PEAK1: variants seen among roughly 807,000 people sequenced by gnomAD.
PEAK1 encodes inactive tyrosine-protein kinase PEAK1.
Under a neutral mutation model 124.7 loss-of-function variants are expected in PEAK1, and 54 were observed. The observed-to-expected ratio is 0.43, with a 90% confidence interval of 0.35 to 0.54. PEAK1 has a LOEUF of 0.54. Ranked by LOEUF, PEAK1 falls within the 20% of genes least tolerant of loss-of-function variation. PEAK1 has a pLI of 0.01. For synonymous variants in PEAK1, 719 were observed against 760.0 expected (o/e 0.95, Z 0.89); for missense variants, 2,046 against 2,134.5 (o/e 0.96, Z 0.82).
chr15:77,161,242 A>T (rs1026565670), intron 7 of PEAK1, among the ~76,000 whole-genome samples: 1 of 152,218 alleles, frequency 6.6e-6, no homozygotes, highest in Non-Finnish European at 1.5e-5. Context: ...GCTACAAGTT[A>T]GGCAAACCAT....
Position 77,307,550 on chromosome 15 carries a change from T to A in PEAK1, c.-602-21046A>T, listed in dbSNP as rs78977714. 4.3e-3 allele frequency among the ~76,000 whole-genome samples: 652 copies of A among 152,198 alleles called. 1 individual carries two copies. Among genetic ancestry groups the A allele is most frequent in the African/African-American group, 0.013 (557 of 41,556 alleles). On this transcript the variant is annotated intron_variant, in intron 2 of 9. Coordinates refer to ENST00000682557, the MANE Select transcript of PEAK1 (RefSeq NM_001385026.1). ...ACCAGCTTTTGCCTTCTCTTAACAA[T>A]CAGTTTATTTATAAAAACCACTCCT...
At chr15:77,182,768 A>G (rs1596506808) in intron 6 of PEAK1, among the ~76,000 whole-genome samples, 1 of 150,312 alleles carries the variant, frequency 6.7e-6, no homozygotes, top group East Asian at 1.9e-4. Flanking sequence ...AAAAAAAAAA[A>G]AGGCTGAAAA....
chr15:77,260,650 C>T (rs1056880988), intron 5 of PEAK1, among the ~76,000 whole-genome samples: 1 of 152,040 alleles, frequency 6.6e-6, no homozygotes, highest in African/African-American at 2.4e-5. Flanking sequence ...GTAGTTCATA[C>T]ACAGAAGAAA....
chr15:77,164,585 G>A (rs1288409235), intron 7 of PEAK1, among the ~76,000 whole-genome samples: 1 of 152,172 alleles, frequency 6.6e-6, no homozygotes, highest in Non-Finnish European at 1.5e-5. Context: ...GTAAATCACT[G>A]TCACTTTCAC....
chr15:77,336,204 A>C (rs2066187820), intron 2 of PEAK1: 1 of 985,434 alleles, frequency 1.0e-6, no homozygotes, highest in South Asian at 4.7e-5. Flanking sequence ...AGGGGCAGAG[A>C]ATCAGCCTCA....
intron 5 of PEAK1, among the ~76,000 whole-genome samples, chr15:77,252,972 T>C (rs989353585): frequency 2.6e-5 from 4 of 152,346 alleles, no homozygotes; most frequent in African/African-American, 9.6e-5. Context: ...CTAGCCACTT[T>C]GCAGTTTTAG....
chr15:77,401,492 ATTT>A (rs923159368), intron 1 of PEAK1: 2 of 959,962 alleles, frequency 2.1e-6, no homozygotes, highest in Non-Finnish European at 2.5e-6. Context: ...TCATAATACA[ATTT>A]TTAAGAGTAT....
In PEAK1 at chr15:77,347,799, T is replaced by C. The variant is rs900826424; in HGVS notation, c.-603+17364A>G. The C allele has an allele frequency of 1.9e-5, 19 of 985,010 alleles. No homozygotes were observed. In the African/African-American group the frequency reaches 3.1e-4, roughly 16 times the overall value. 61.0% of individuals were successfully genotyped at this position (985,010 alleles called of 1,614,324 possible). The stretch of plus-strand genomic sequence containing the variant: ...TTTAGTGAGTGTATAGATCATCTGT[T>C]TTCCTTCTATAGCAAGCACAAAACA... On this transcript the variant is annotated intron_variant, in intron 2 of 9. Transcript: ENST00000682557.
At chr15:77,127,498 G>A (rs2152731796) in intron 9 of PEAK1, among the ~76,000 whole-genome samples, 1 of 152,270 alleles carries the variant, frequency 6.6e-6, no homozygotes, top group African/African-American at 2.4e-5. Flanking sequence ...GGATGCTAGG[G>A]GCGATTCTGA....
chr15:77,351,322 G>A (rs1440319064), intron 2 of PEAK1, among the ~76,000 whole-genome samples: 4 of 152,186 alleles, frequency 2.6e-5, no homozygotes, highest in Non-Finnish European at 5.9e-5. Context: ...GGGCAGAAAA[G>A]AGTACTTGCT....
intron 2 of PEAK1, among the ~76,000 whole-genome samples, chr15:77,357,096 C>T (rs775678154): frequency 6.6e-6 from 1 of 152,116 alleles, no homozygotes; most frequent in Non-Finnish European, 1.5e-5. Flanking sequence ...AGAGGACCCA[C>T]TCTCTAAAAA....
chr15:77,150,312 A>C (rs552463757), intron 8 of PEAK1, among the ~76,000 whole-genome samples: 94 of 152,172 alleles, frequency 6.2e-4, no homozygotes, highest in Admixed American at 2.5e-3. Flanking sequence ...TTAAACTCCT[A>C]CTGGTTCTGT....
intron 5 of PEAK1, among the ~76,000 whole-genome samples, chr15:77,270,337 T>C (rs1329504019): frequency 6.6e-6 from 1 of 152,128 alleles, no homozygotes; most frequent in African/African-American, 2.4e-5. Flanking sequence ...GGAAGTCAAA[T>C]TGTCCCTGTT....
intron 6 of PEAK1, among the ~76,000 whole-genome samples, chr15:77,197,017 A>T (rs1441646783): frequency 2.1e-5 from 3 of 141,632 alleles, no homozygotes; most frequent in Non-Finnish European, 4.6e-5. Flanking sequence ...TGCCTGGCTA[A>T]TTTTTTTTTT....
intron 1 of PEAK1, among the ~76,000 whole-genome samples, chr15:77,379,422 T>C (rs1375883594): frequency 6.6e-6 from 1 of 152,038 alleles, no homozygotes; most frequent in African/African-American, 2.4e-5. Flanking sequence ...TATATACAAA[T>C]CCTAAGTTGA....
chr15:77,115,211 C>T lies in PEAK1; in HGVS notation c.4186G>A (p.Ala1396Thr). The T allele has an allele frequency of 1.2e-6, 2 of 1,614,162 alleles. No homozygotes were observed. The highest frequency in any genetic ancestry group is 2.2e-5 in the East Asian group (1 of 44,876). ...GGAAGCAGACGGTTAGGGACTTCAG[C>T]AAGGAAATGACCACAGTCCTGCTGA... Reference protein sequence around the residue: ...NIQQDCGHFLAEVPNRLLPWE... With the variant: ...NIQQDCGHFLTEVPNRLLPWE... The change falls in exon 10 of 10, where the codon GCT (alanine) becomes ACT (threonine). Residue 1396 changes from alanine to threonine, a missense_variant. By Grantham distance (58) the Ala-to-Thr change is moderately conservative. Coordinates refer to ENST00000682557, the MANE Select transcript of PEAK1 (RefSeq NM_001385026.1).
At position 77,349,276 on chromosome 15, in the gene PEAK1, C is replaced by T. The variant is rs151305994; in HGVS notation, c.-603+15887G>A. On this transcript the variant is annotated intron_variant, in intron 2 of 9. Transcript: ENST00000682557. ...GGATGGTCTCGATCTTCTGACCTTACGATCTGCCCGCCTCGGCCTCCCAAA... is the reference window on the plus strand; with the variant it reads ...GGATGGTCTCGATCTTCTGACCTTATGATCTGCCCGCCTCGGCCTCCCAAA... 959 of 671,778 alleles carry T rather than the reference C, an allele frequency of 1.4e-3. 2 individuals are homozygous for T. Among genetic ancestry groups the T allele is most frequent in the African/African-American group, 0.014 (724 of 50,914 alleles). 41.6% of individuals were successfully genotyped at this position (671,778 alleles called of 1,614,324 possible).
At chr15:77,394,128 G>C (rs1170567748) in intron 1 of PEAK1, among the ~76,000 whole-genome samples, 1 of 152,182 alleles carries the variant, frequency 6.6e-6, no homozygotes, top group Non-Finnish European at 1.5e-5. Flanking sequence ...GCATCAGCTA[G>C]ATTCCTAAGG....
intron 6 of PEAK1, among the ~76,000 whole-genome samples, chr15:77,196,323 T>G (rs1220911069): frequency 6.6e-6 from 1 of 152,256 alleles, no homozygotes; most frequent in Admixed American, 6.5e-5. Flanking sequence ...TATAATAACC[T>G]ACTGGTAGGT....
Sources: gnomAD v4.1 joint callset for allele counts (sites outside exome capture counted in the v4.1 genomes callset) on GRCh38, gnomAD v4.1.1 for gene constraint, MANE v1.5 for transcripts, NCBI Gene and HGNC (gene_info 2026-07-23, HGNC 2026-07-21) for gene names.